ACSF3: variants seen among roughly 807,000 people sequenced by gnomAD.
ACSF3 encodes the protein malonate--CoA ligase ACSF3, mitochondrial.
A neutral mutation model predicts 53.2 loss-of-function variants in ACSF3; 78 were observed. The observed-to-expected ratio is 1.47, with a 90% CI of 1.22 to 1.77. The LOEUF is 1.77. Among genes scored for constraint, ACSF3 ranks in the 40% most tolerant of loss-of-function variants. ACSF3 has a pLI of 0.00. For missense variants in ACSF3, 937 were observed against 771.1 expected (o/e 1.22, Z -2.55); for synonymous variants, 414 against 333.1 (o/e 1.24, Z -2.65).
At chr16:89,153,981 G>A (rs1328543785) in intron 10 of ACSF3, 109 bp from the exon 11 acceptor site, 9 of 1,191,586 alleles carry the variant, frequency 7.6e-6, no homozygotes, top group Admixed American at 2.0e-5. Context: ...CGAGGCGCCT[G>A]GCAAGGCTGC....
chr16:89,148,476 G>T (rs1279676055), intron 10 of ACSF3: 1 of 152,198 alleles, frequency 6.6e-6, no homozygotes, highest in East Asian at 1.9e-4. Context: ...CATGGAGGTG[G>T]CTCCCAAGGC....
At chr16:89,099,434 G>T (rs1459720163) in intron 2 of ACSF3, among the ~76,000 whole-genome samples, 1 of 152,226 alleles carries the variant, frequency 6.6e-6, no homozygotes, top group Non-Finnish European at 1.5e-5. Context: ...GGAAAGGAGA[G>T]AATTATAGTT....
At chr16:89,119,624 CA>C (rs915927775) in intron 6 of ACSF3, among the ~76,000 whole-genome samples, 1 of 152,214 alleles carries the variant, frequency 6.6e-6, no homozygotes, top group African/African-American at 2.4e-5. Flanking sequence ...CTGGCCCCGC[CA>C]CACCCCCCAT....
chr16:89,120,729 C>A, intron 6 of ACSF3, 72 bp from the exon 7 acceptor site: 2 of 1,439,408 alleles, frequency 1.4e-6, no homozygotes, highest in South Asian at 1.1e-5. Flanking sequence ...GGGATCCGAG[C>A]TCAGTGTGTG....
intron 8 of ACSF3, chr16:89,141,375 G>A (rs1465909207): frequency 3.4e-6 from 4 of 1,193,406 alleles, no homozygotes; most frequent in Non-Finnish European, 4.4e-6. Flanking sequence ...AGCCTGACAT[G>A]TTCCAAGGGG....
intron 8 of ACSF3, among the ~76,000 whole-genome samples, chr16:89,137,480 GA>G: frequency 3.0e-5 from 4 of 131,704 alleles, no homozygotes; most frequent in Non-Finnish European, 4.9e-5. Flanking sequence ...AGCTCACGGG[GA>G]AAGATTGAGG....
At chr16:89,153,771 T>G (rs1914400837) in intron 10 of ACSF3, 2 of 391,262 alleles carry the variant, frequency 5.1e-6, no homozygotes, top group Non-Finnish European at 9.7e-6. Context: ...CCTGGCCCGG[T>G]GTGGGGGCCC....
chr16:89,146,334 G>A (rs1379591147), intron 10 of ACSF3, among the ~76,000 whole-genome samples: 5 of 152,148 alleles, frequency 3.3e-5, no homozygotes, highest in African/African-American at 1.2e-4. Context: ...GTTCCGTCCT[G>A]GTCCCAGGAG....
chr16:89,120,763 A>T (rs770075411), intron 6 of ACSF3, 38 bp from the exon 7 acceptor site: 1 of 1,594,158 alleles, frequency 6.3e-7, no homozygotes, highest in East Asian at 2.2e-5. Context: ...GGTTCCTCTC[A>T]CTCCAGCCTC....
chr16:89,141,661 T>A (rs533179227), intron 8 of ACSF3, among the ~76,000 whole-genome samples: 1 of 152,202 alleles, frequency 6.6e-6, no homozygotes, highest in African/African-American at 2.4e-5. Flanking sequence ...CAGTGGGAAG[T>A]CTCTCCCTAC....
Position 89,114,418 on chromosome 16 carries a change from G to T in ACSF3, c.1057G>T (p.Glu353Ter). 6.2e-7 allele frequency: 1 copy of T among 1,613,934 alleles called. No homozygotes were observed. The highest frequency in any genetic ancestry group is 1.1e-5 in the South Asian group (1 of 91,078). ...WKNITGHTLLERYGMTEIGMA... is the reference protein window; with the variant it reads ...WKNITGHTLL ...GAACATCACGGGCCACACCCTGCTGGAGCGGTATGGCATGACCGAGATCGG... is the reference window on the plus strand; with the variant it reads ...GAACATCACGGGCCACACCCTGCTGTAGCGGTATGGCATGACCGAGATCGG... Residue 353 changes from glutamate (E) to a stop codon, truncating the protein, a stop_gained, in exon 6 of 11, where the codon GAG (glutamate) becomes TAG (stop). Transcript: ENST00000614302. LOFTEE classifies it high-confidence loss of function.
In ACSF3 at chr16:89,133,340, A is replaced by G. The variant is rs1002073910; in HGVS notation, c.1366+78A>G. The G allele has an allele frequency of 3.1e-6, 5 of 1,592,366 alleles. No individual in the cohort carries two copies. The African/African-American group carries it at 5.4e-5, about 17-fold the overall frequency. ...CTCATTGCTGCCCACGTTGAGTGAC[A>G]CCGAGGCTGGGAGTTCCCAGAATTT... On this transcript the variant is annotated intron_variant, in intron 8 of 10. Coordinates refer to ENST00000614302, the MANE Select transcript of ACSF3 (RefSeq NM_001243279.3).
At chr16:89,150,887 G>C (rs1913965006) in intron 10 of ACSF3, 3 of 891,122 alleles carry the variant, frequency 3.4e-6, no homozygotes, top group Non-Finnish European at 4.6e-6. Flanking sequence ...AAAGAAAGAA[G>C]AACAGGAAGG....
chr16:89,145,508 A>T, intron 9 of ACSF3, 107 bp downstream of exon 9: 2 of 1,366,524 alleles, frequency 1.5e-6, no homozygotes, highest in Non-Finnish European at 2.0e-6. Flanking sequence ...AGCTGCCTGC[A>T]GGGGTCCCTG....
Position 89,114,535 on chromosome 16 carries a change from C to A in ACSF3, c.1126+48C>A, listed in dbSNP as rs763766396. ...CGTTCCTCTTCCACTGTGCTCTGAG[C>A]CCCCCAAGGTGGGCCAGTCTCGAAC... On this transcript the variant is annotated intron_variant, in intron 6 of 10. Coordinates refer to ENST00000614302, the MANE Select transcript of ACSF3 (RefSeq NM_001243279.3). 5.0e-6 allele frequency: 8 copies of A among 1,602,452 alleles called. No homozygotes were observed. In the African/African-American group the frequency reaches 9.3e-5, roughly 19 times the overall value.
intron 4 of ACSF3, among the ~76,000 whole-genome samples, chr16:89,104,271 A>C (rs8044145): frequency 6.6e-6 from 1 of 152,068 alleles, no homozygotes; most frequent in Admixed American, 6.5e-5. Context: ...AAGCCCTTAG[A>C]ATTTGGATCG....
Position 89,101,158 on chromosome 16 carries a change from G to C in ACSF3, c.477G>C (p.Val159=). 6.2e-7 allele frequency: 1 copy of C among 1,613,472 alleles called. No individual in the cohort carries two copies. ...SQEYLELLSP[V]VRKLGVPLLP... is the part of the protein sequence containing the mutation. The stretch of plus-strand genomic sequence containing the variant: ...AGTACCTGGAGCTCCTGAGCCCGGT[G>C]GTCAGGAAGCTGGGGGTCCCGCTGC... Residue 159 remains valine, a synonymous_variant, in exon 3 of 11, where the codon GTG becomes GTC. Transcript: ENST00000614302.
At chr16:89,102,860 G>A (rs898739405) in intron 4 of ACSF3, 101 bp downstream of exon 4, 13 of 1,516,540 alleles carry the variant, frequency 8.6e-6, no homozygotes, top group South Asian at 3.5e-5. Flanking sequence ...AGCGCCTTTC[G>A]CTGGTTGGGG....
chr16:89,155,800 T>C lies in ACSF3; in HGVS notation c.*1593T>C. The C allele has an allele frequency of 2.2e-6, 1 of 453,700 alleles. No homozygotes were observed. Among genetic ancestry groups the C allele is most frequent in the Non-Finnish European group, 4.4e-6 (1 of 226,638 alleles). The allele number at this position is 453,700 out of a possible 1,614,324, so 28.1% of individuals were successfully genotyped here. On this transcript the variant is annotated 3_prime_UTR_variant, in exon 11 of 11. Coordinates refer to ENST00000614302, the MANE Select transcript of ACSF3 (RefSeq NM_001243279.3). ...CATCTCTCTCCTTTAATCCTGAAAC[T>C]TTTGATTCCTAAAAAGCTTACATAA...
Sources: gnomAD v4.1 joint callset for allele counts (sites outside exome capture counted in the v4.1 genomes callset) on GRCh38, gnomAD v4.1.1 for gene constraint, MANE v1.5 for transcripts, NCBI Gene and HGNC (gene_info 2026-07-23, HGNC 2026-07-21) for gene names.